RBM27: variants seen among roughly 807,000 people sequenced by gnomAD.
RBM27 encodes RNA-binding protein 27.
RBM27 carries 22 observed loss-of-function variants against 135.3 expected under a neutral mutation model. The ratio of observed to expected loss-of-function variants is 0.16; its 90% confidence interval spans 0.12 to 0.23. The LOEUF is 0.23. Ranked by LOEUF, RBM27 falls within the 10% of genes least tolerant of loss-of-function variation. The pLI is 1.00. For missense variants in RBM27, 1,009 were observed against 1,281.0 expected (o/e 0.79, Z 3.24); for synonymous variants, 481 against 442.4 (o/e 1.09, Z -1.10).
At chr5:146,238,831 A>G (rs1383903978) in intron 8 of RBM27, among the ~76,000 whole-genome samples, 1 of 152,052 alleles carries the variant, frequency 6.6e-6, no homozygotes, top group African/African-American at 2.4e-5. Flanking sequence ...TGGTTTTATC[A>G]TTTACTATCT....
chr5:146,241,717 C>T (rs533584519), intron 8 of RBM27, among the ~76,000 whole-genome samples: 2 of 152,262 alleles, frequency 1.3e-5, no homozygotes, highest in South Asian at 4.1e-4. Flanking sequence ...CCTCGGCTTC[C>T]CAAAGTGCTG....
At chr5:146,211,576 G>A (rs933921774) in intron 1 of RBM27, among the ~76,000 whole-genome samples, 1 of 148,686 alleles carries the variant, frequency 6.7e-6, no homozygotes, top group South Asian at 2.1e-4. Context: ...CCGCCTCCTG[G>A]GTTCAAGCTA....
At position 146,216,946 on chromosome 5, in the gene RBM27, G is replaced by A. The variant is rs550337873; in HGVS notation, c.60-2039G>A. Among the ~76,000 whole-genome samples the A allele has an allele frequency of 2.0e-5, 3 of 152,154 alleles. 1 individual carries two copies. The highest frequency in any genetic ancestry group is 7.2e-5 in the African/African-American group (3 of 41,500). On this transcript the variant is annotated intron_variant, in intron 1 of 20. Transcript: ENST00000265271. ...TGGGATTATAGGCATGAGCCACCAG[G>A]CCCAGCCTTGAGTGACTCTCTGTCT...
chr5:146,233,133 T>C (rs766447788), intron 6 of RBM27, among the ~76,000 whole-genome samples: 62 of 152,328 alleles, frequency 4.1e-4, no homozygotes, highest in Non-Finnish European at 4.4e-4. Context: ...TAAATTGATA[T>C]TTGTTTAAAA....
At chr5:146,258,229 C>T (rs1758208174) in intron 10 of RBM27, among the ~76,000 whole-genome samples, 2 of 152,060 alleles carry the variant, frequency 1.3e-5, no homozygotes, top group Admixed American at 6.6e-5. Flanking sequence ...ATCATCCATG[C>T]CTGAGTCAAT....
chr5:146,213,195 C>A (rs1182249159), intron 1 of RBM27, among the ~76,000 whole-genome samples: 1 of 151,508 alleles, frequency 6.6e-6, no homozygotes, highest in Non-Finnish European at 1.5e-5. Context: ...CACCGCCTCC[C>A]GGGTTCAAGC....
At chr5:146,229,670 C>G (rs1756844293) in intron 4 of RBM27, 47 bp from the exon 5 acceptor site, 1 of 1,468,926 alleles carries the variant, frequency 6.8e-7, no homozygotes, top group East Asian at 2.3e-5. Flanking sequence ...TGTTTGCAGA[C>G]TTGGTTTCTA....
chr5:146,259,051 A>T (rs981966091), intron 11 of RBM27, among the ~76,000 whole-genome samples: 14 of 152,012 alleles, frequency 9.2e-5, no homozygotes, highest in Non-Finnish European at 4.4e-5. Flanking sequence ...GTGAGCTACC[A>T]CATCCAGCCC....
chr5:146,227,073 T>C (rs1002678492), intron 3 of RBM27, among the ~76,000 whole-genome samples: 2 of 152,188 alleles, frequency 1.3e-5, no homozygotes, highest in Non-Finnish European at 2.9e-5. Flanking sequence ...CTTTCTTCCT[T>C]GGTCTTCGGC....
chr5:146,250,869 C>T (rs578102753), intron 8 of RBM27, among the ~76,000 whole-genome samples: 43 of 150,012 alleles, frequency 2.9e-4, no homozygotes, highest in Admixed American at 2.7e-3. Flanking sequence ...CTCCACCTCC[C>T]GGGTTCAAGC....
chr5:146,225,640 A>C (rs1756641263), intron 3 of RBM27, among the ~76,000 whole-genome samples: 1 of 147,700 alleles, frequency 6.8e-6, no homozygotes, highest in Non-Finnish European at 1.5e-5. Context: ...ATCTCAGCTC[A>C]CTGCAACTTC....
intron 8 of RBM27, among the ~76,000 whole-genome samples, chr5:146,247,753 T>C (rs1419562221): frequency 6.6e-6 from 1 of 152,208 alleles, no homozygotes; most frequent in Admixed American, 6.5e-5. Context: ...ATGTACTTCC[T>C]ACACAGTACA....
rs775574346 is a variant in RBM27 at position 146,250,431 on chromosome 5, C to CAAA, written c.1280-1264_1280-1262dup. On this transcript the variant is annotated intron_variant, in intron 8 of 20. Transcript: ENST00000265271. ...TGGGTGACAGAGCAAGACTCCGTCT[C>CAAA]AAAAAAAAAAAAAAAAAATCCACTT... 1.3e-3 allele frequency among the ~76,000 whole-genome samples: 121 copies of CAAA among 91,916 alleles called. 3 individuals carry two copies. The highest frequency in any genetic ancestry group is 4.5e-3 in the African/African-American group (114 of 25,284). The allele number at this position is 91,916 out of a possible 152,430, so 60.3% of individuals were successfully genotyped here. A position where few individuals can be genotyped will look rare whatever the true frequency, so the allele number is the denominator to read the frequency against.
chr5:146,280,133 A>G (rs2126911991), intron 19 of RBM27, among the ~76,000 whole-genome samples: 1 of 151,516 alleles, frequency 6.6e-6, no homozygotes, highest in East Asian at 2.0e-4. Context: ...ATCTCAGCTC[A>G]CTGCAACCTC....
rs375579071 is a variant in RBM27, at chr5:146,258,722, AC to A, written c.1739+130del. On this transcript the variant is annotated intron_variant, in intron 11 of 20. Coordinates refer to ENST00000265271, the MANE Select transcript of RBM27 (RefSeq NM_018989.2). The stretch of plus-strand genomic sequence containing the variant: ...TATCTTGAAGTTAGGGTTCCAGGAG[AC>A]ATCTTTAGAATGTTGTAAAAATTAA... The A allele has an allele frequency of 1.6e-4, 127 of 773,076 alleles. No individual in the cohort carries two copies. In the African/African-American group the frequency reaches 2.2e-3, roughly 13 times the overall value. 47.9% of individuals were successfully genotyped at this position (773,076 alleles called of 1,614,324 possible).
chr5:146,273,260 T>C (rs1758947307), intron 19 of RBM27, among the ~76,000 whole-genome samples: 1 of 152,162 alleles, frequency 6.6e-6, no homozygotes, highest in South Asian at 2.1e-4. Context: ...GGAGACTATA[T>C]GTAGATGTTT....
chr5:146,285,982 T>TGAC lies in RBM27; in HGVS notation c.3138_3140dup (p.Asp1047dup). On this transcript the variant is annotated inframe_insertion, in exon 21 of 21. Coordinates refer to ENST00000265271, the MANE Select transcript of RBM27 (RefSeq NM_018989.2). Reference sequence around the variant, plus strand: ...CCTCAGATTTGTTTTTGCCTGATGATGACGATGAAGATGAAGATGAATATG... The same window carrying TGAC: ...CCTCAGATTTGTTTTTGCCTGATGATGACGACGATGAAGATGAAGATGAATATG... 1 of 1,612,924 alleles carries TGAC rather than the reference T, an allele frequency of 6.2e-7. No individual in the cohort carries two copies. Among genetic ancestry groups the TGAC allele is most frequent in the Non-Finnish European group, 8.5e-7 (1 of 1,179,368 alleles).
At chr5:146,206,855 T>A (rs1281138562) in intron 1 of RBM27, among the ~76,000 whole-genome samples, 1 of 152,172 alleles carries the variant, frequency 6.6e-6, no homozygotes, top group Admixed American at 6.5e-5. Context: ...AGTGCTGGGA[T>A]TACAGGCATA....
intron 6 of RBM27, among the ~76,000 whole-genome samples, chr5:146,232,446 A>C (rs1281999818): frequency 6.6e-6 from 1 of 152,206 alleles, no homozygotes; most frequent in Non-Finnish European, 1.5e-5. Context: ...TTTAACATAA[A>C]TACTAGTATG....
Sources: allele counts gnomAD v4.1 joint callset (sites outside exome capture counted in the v4.1 genomes callset), GRCh38; gene constraint gnomAD v4.1.1; transcripts MANE v1.5; gene names NCBI Gene and HGNC (gene_info 2026-07-23, HGNC 2026-07-21).